Variants in GPATCH2 observed in about 807,000 individuals in gnomAD.
GPATCH2 encodes G-patch domain containing 2, also known as G patch domain-containing protein 2.
Under a neutral mutation model 58.0 loss-of-function variants are expected in GPATCH2, and 51 were observed. The ratio of observed to expected loss-of-function variants is 0.88; its 90% CI spans 0.70 to 1.11. GPATCH2 has a LOEUF of 1.11. GPATCH2 is among the 50% of genes most tolerant of loss of function. GPATCH2 has a pLI of 0.00. For synonymous variants in GPATCH2, 222 were observed against 218.5 expected, an observed-to-expected ratio of 1.02 and a Z score of -0.14; for missense variants, 625 against 652.2, an observed-to-expected ratio of 0.96 and a Z score of 0.45.
At chr1:217,472,733 C>G (rs56362818) in intron 8 of GPATCH2, among the ~76,000 whole-genome samples, 13 of 152,158 alleles carry the variant, frequency 8.5e-5, no homozygotes, top group Non-Finnish European at 1.8e-4. Flanking sequence ...AAAGCTCTTT[C>G]TAATTTTGAG....
intron 7 of GPATCH2, chr1:217,498,114 TTTCC>T: frequency 1.7e-6 from 1 of 593,138 alleles, no homozygotes; most frequent in Admixed American, 3.0e-5. Flanking sequence ...TTTCAGAGTC[TTTCC>T]ATGGAGGTCA....
At chr1:217,526,194 A>G (rs903245115) in intron 5 of GPATCH2, among the ~76,000 whole-genome samples, 2 of 152,228 alleles carry the variant, frequency 1.3e-5, no homozygotes, top group African/African-American at 4.8e-5. Flanking sequence ...AGTAATTTAT[A>G]AGAAAAATGC....
intron 5 of GPATCH2, among the ~76,000 whole-genome samples, chr1:217,590,898 A>T (rs1667561476): frequency 6.6e-6 from 1 of 152,216 alleles, no homozygotes; most frequent in African/African-American, 2.4e-5. Context: ...ACAGCCAGTA[A>T]ATCATGGATC....
intron 6 of GPATCH2, among the ~76,000 whole-genome samples, chr1:217,508,502 A>G (rs1160307377): frequency 6.6e-6 from 1 of 152,166 alleles, no homozygotes; most frequent in Non-Finnish European, 1.5e-5. Flanking sequence ...TGCACAATCG[A>G]TTAATAAATC....
intron 9 of GPATCH2, among the ~76,000 whole-genome samples, chr1:217,436,673 T>C (rs1329999617): frequency 6.6e-6 from 1 of 152,234 alleles, no homozygotes; most frequent in African/African-American, 2.4e-5. Flanking sequence ...ATGACGTCTG[T>C]AGCCCTTATA....
chr1:217,444,866 C>T (rs1020817124), intron 9 of GPATCH2, among the ~76,000 whole-genome samples: 4 of 152,068 alleles, frequency 2.6e-5, no homozygotes, highest in East Asian at 3.9e-4. Flanking sequence ...AATCTAGTAC[C>T]TTGAAAAGGA....
intron 5 of GPATCH2, among the ~76,000 whole-genome samples, chr1:217,524,921 G>C (rs1571861433): frequency 6.9e-4 from 6 of 8,676 alleles, no homozygotes; most frequent in Admixed American, 6.1e-3. Flanking sequence ...GGGGGAGGGG[G>C]GAGAGGGGAG....
chr1:217,448,570 A>C (rs1483174369), intron 9 of GPATCH2, among the ~76,000 whole-genome samples: 2 of 152,252 alleles, frequency 1.3e-5, no homozygotes, highest in East Asian at 3.9e-4. Context: ...AACCTTCACT[A>C]CAAGGCGAGT....
chr1:217,550,009 T>G (rs1665269656), intron 5 of GPATCH2, among the ~76,000 whole-genome samples: 1 of 152,170 alleles, frequency 6.6e-6, no homozygotes, highest in African/African-American at 2.4e-5. Flanking sequence ...TAACTGTCTA[T>G]TCACCATTTT....
In GPATCH2 at chr1:217,491,729, G is replaced by T; in HGVS notation, c.1228C>A (p.Arg410=). ...TTTTTCTTGTGTCCTCTTTCAGCTC[G>T]ATTATCTCTCAGAAGCTGATGCTAC... ...HDQHQLLRDN[R]AERGHKKNCS... is the part of the protein sequence containing the mutation. Residue 410 remains arginine (R), a synonymous_variant, in exon 8 of 10, where the codon CGA becomes AGA. Transcript: ENST00000366935. 6.8e-7 allele frequency: 1 copy of T among 1,469,918 alleles called. No homozygotes were observed. Among genetic ancestry groups the T allele is most frequent in the Non-Finnish European group, 9.4e-7 (1 of 1,061,510 alleles). 91.1% of individuals were successfully genotyped at this position (1,469,918 alleles called of 1,614,324 possible). A position where few individuals can be genotyped will look rare whatever the true frequency, so the allele number is the denominator to read the frequency against.
rs75306662 is a variant in GPATCH2 at position 217,551,294 on chromosome 1, G to A, written c.1099-36405C>T. On this transcript the variant is annotated intron_variant, in intron 5 of 9. Transcript: ENST00000366935. ...CACACAGGCAAGGTATCATCAATTC[G>A]TTCAATTCATTCTCATTGTCATTTA... Among the ~76,000 whole-genome samples, 696 of 152,106 alleles carry A rather than the reference G, an allele frequency of 4.6e-3. 10 individuals carry two copies. Among genetic ancestry groups the A allele is most frequent in the African/African-American group, 0.015 (639 of 41,522 alleles).
chr1:217,497,018 A>G (rs561512508), intron 7 of GPATCH2, among the ~76,000 whole-genome samples: 2 of 152,316 alleles, frequency 1.3e-5, no homozygotes, highest in East Asian at 3.9e-4. Context: ...TAGCTATTAA[A>G]GGTAATTTTT....
At chr1:217,609,811 G>C (rs535833435) in intron 5 of GPATCH2, 1 of 984,576 alleles carries the variant, frequency 1.0e-6, no homozygotes, top group Admixed American at 6.0e-5. Flanking sequence ...AATACTTGTC[G>C]ATCTGGAAGT....
chr1:217,461,248 A>G (rs1175657411), intron 8 of GPATCH2, among the ~76,000 whole-genome samples: 4 of 152,190 alleles, frequency 2.6e-5, no homozygotes, highest in African/African-American at 9.7e-5. Flanking sequence ...ACTTACTTGC[A>G]TTTAGGTTAA....
chr1:217,500,908 G>A (rs1489144370), intron 6 of GPATCH2, among the ~76,000 whole-genome samples: 1 of 151,842 alleles, frequency 6.6e-6, no homozygotes, highest in Non-Finnish European at 1.5e-5. Flanking sequence ...TGAGATAATT[G>A]TAGGTTTACG....
At chr1:217,510,594 G>C (rs191938179) in intron 6 of GPATCH2, among the ~76,000 whole-genome samples, 2 of 152,048 alleles carry the variant, frequency 1.3e-5, no homozygotes, top group Non-Finnish European at 2.9e-5. Context: ...TGATGAGTAC[G>C]TCTTTTAGTG....
At chr1:217,532,005 T>G (rs1212073811) in intron 5 of GPATCH2, among the ~76,000 whole-genome samples, 1 of 152,176 alleles carries the variant, frequency 6.6e-6, no homozygotes, top group Non-Finnish European at 1.5e-5. Flanking sequence ...CCATGGAATC[T>G]GAAAAAATAG....
chr1:217,476,667 G>A lies in GPATCH2; in HGVS notation c.1277+15013C>T, dbSNP rs184581842. On this transcript the variant is annotated intron_variant, in intron 8 of 9. Coordinates refer to ENST00000366935, the MANE Select transcript of GPATCH2 (RefSeq NM_018040.5). ...CCAAACTCAGCTGACGCCTGCCCAC[G>A]GAGGAAACATTTAAACCAGCCCTAG... Among the ~76,000 whole-genome samples the A allele has an allele frequency of 6.2e-3, 944 of 152,150 alleles. 2 individuals are homozygous for A. The highest frequency in any genetic ancestry group is 0.02 in the Middle Eastern group (6 of 294).
At chr1:217,454,065 G>T (rs1254056208) in intron 8 of GPATCH2, among the ~76,000 whole-genome samples, 1 of 152,074 alleles carries the variant, frequency 6.6e-6, no homozygotes, top group Non-Finnish European at 1.5e-5. Context: ...CATTCCAATG[G>T]CAGAGATAAG....
Sources: gnomAD v4.1 joint callset for allele counts (sites outside exome capture counted in the v4.1 genomes callset) on GRCh38, gnomAD v4.1.1 for gene constraint, MANE v1.5 for transcripts, NCBI Gene and HGNC (gene_info 2026-07-23, HGNC 2026-07-21) for gene names.